SLFN5: variants seen among roughly 807,000 people sequenced by gnomAD.
SLFN5 encodes the protein schlafen family member 5.
A neutral mutation model predicts 48.5 loss-of-function variants in SLFN5; 34 were observed. That is an observed-to-expected ratio of 0.70 (90% CI 0.53 to 0.93). The LOEUF (loss-of-function observed/expected upper bound fraction) is 0.93, where lower values mean the gene tolerates loss of function less well. Among genes scored for constraint, SLFN5 ranks in the 40% least tolerant of loss-of-function variants. SLFN5 has a pLI of 0.00. For synonymous variants in SLFN5, 387 were observed against 396.2 expected, an observed-to-expected ratio of 0.98 and a Z score of 0.28; for missense variants, 1,006 against 1,071.3, an observed-to-expected ratio of 0.94 and a Z score of 0.85.
chr17:35,262,508 A>G (rs1416174566), intron 3 of SLFN5, among the ~76,000 whole-genome samples: 1 of 152,106 alleles, frequency 6.6e-6, no homozygotes, highest in Non-Finnish European at 1.5e-5. Context: ...ACCAACCAAC[A>G]TGGTATTATC....
At chr17:35,246,803 G>A (rs1048824808) in intron 1 of SLFN5, among the ~76,000 whole-genome samples, 1 of 150,182 alleles carries the variant, frequency 6.7e-6, no homozygotes, top group East Asian at 1.9e-4. Context: ...TCCAGTGACC[G>A]AAATAGCACC....
At position 35,246,564 on chromosome 17, in the gene SLFN5, G is replaced by T. The variant is rs564229908; in HGVS notation, c.-41+3421G>T. Among the ~76,000 whole-genome samples, 5 of 152,226 alleles carry T rather than the reference G, an allele frequency of 3.3e-5. No individual in the cohort carries two copies. In the East Asian group the frequency reaches 9.6e-4, roughly 29 times the overall value. Reference sequence around the variant, plus strand: ...AATATATCATTTAAAAAAATTTATTGTGCATCTAGGCCAGGTGCAGTGGCT... The same window carrying T: ...AATATATCATTTAAAAAAATTTATTTTGCATCTAGGCCAGGTGCAGTGGCT... On this transcript the variant is annotated intron_variant, in intron 1 of 4. Coordinates refer to ENST00000299977, the MANE Select transcript of SLFN5 (RefSeq NM_144975.4).
rs1030411424 is a variant in SLFN5 at position 35,266,026 on chromosome 17, C to G, written c.*138C>G. 1.1e-6 allele frequency: 1 copy of G among 883,702 alleles called. No homozygotes were observed. Among genetic ancestry groups the G allele is most frequent in the South Asian group, 1.9e-5 (1 of 52,846 alleles). The allele number at this position is 883,702 out of a possible 1,614,324, so 54.7% of individuals were successfully genotyped here. ...TAGGTGCTGGGGATTGAGAACGAAT[C>G]GATGTAAGATTCCTCCTTTAGGGCA... is the stretch of plus-strand genomic sequence containing the variant. On this transcript the variant is annotated 3_prime_UTR_variant, in exon 5 of 5. Coordinates refer to ENST00000299977, the MANE Select transcript of SLFN5 (RefSeq NM_144975.4).
At position 35,265,630 on chromosome 17, in the gene SLFN5, G is replaced by A. The variant is rs528962131; in HGVS notation, c.2418G>A (p.Arg806=). ...KASEVEKYKD[R]LLTAMRKRKL... ...GTGAAGTGGAAAAATATAAAGACAGGCTTCTAACAGCAATGAGGAAGAGAA... is the reference window on the plus strand; with the variant it reads ...GTGAAGTGGAAAAATATAAAGACAGACTTCTAACAGCAATGAGGAAGAGAA... The change falls in exon 5 of 5, where the codon AGG becomes AGA. Residue 806 remains arginine, a synonymous_variant. Transcript: ENST00000299977. 11 of 1,614,194 alleles carry A rather than the reference G, an allele frequency of 6.8e-6. No homozygotes were observed. The African/African-American group carries it at 1.5e-4, about 22-fold the overall frequency.
Position 35,264,895 on chromosome 17 carries a change from G to T in SLFN5, c.1851G>T (p.Lys617Asn), listed in dbSNP as rs766347220. ...TCTGTGAAAACCAGCCCCTGAAGAA[G>T]TTGGTGAGGTATGCTGCTTGTCTGT... ...LYICENQPLK[K>N]LVSFSKKNIC... is the part of the protein sequence containing the mutation. The change falls in exon 4 of 5, where the codon AAG becomes AAT. Residue 617 changes from lysine to asparagine, a missense_variant. Transcript: ENST00000299977. 1.9e-6 allele frequency: 3 copies of T among 1,557,940 alleles called. No homozygotes were observed. The highest frequency in any genetic ancestry group is 2.2e-5 in the East Asian group (1 of 44,786).
rs770064360 is a variant in SLFN5, at chr17:35,266,036, T to G, written c.*148T>G. 1.2e-6 allele frequency: 1 copy of G among 824,902 alleles called. No homozygotes were observed. The highest frequency in any genetic ancestry group is 1.8e-6 in the Non-Finnish European group (1 of 548,686). The allele number at this position is 824,902 out of a possible 1,614,324, so 51.1% of individuals were successfully genotyped here. A position where few individuals can be genotyped will look rare whatever the true frequency, so the allele number is the denominator to read the frequency against. On this transcript the variant is annotated 3_prime_UTR_variant, in exon 5 of 5. Coordinates refer to ENST00000299977, the MANE Select transcript of SLFN5 (RefSeq NM_144975.4). ...GGATTGAGAACGAATCGATGTAAGATTCCTCCTTTAGGGCAGAGACAGACC... is the reference window on the plus strand; with the variant it reads ...GGATTGAGAACGAATCGATGTAAGAGTCCTCCTTTAGGGCAGAGACAGACC...
intron 1 of SLFN5, among the ~76,000 whole-genome samples, chr17:35,250,543 C>G (rs1455078937): frequency 3.3e-5 from 5 of 151,968 alleles, no homozygotes; most frequent in African/African-American, 9.7e-5. Context: ...GCCTGTAGTC[C>G]CAGCTACTCG....
rs752936534 is a variant in SLFN5 at position 35,259,369 on chromosome 17, G to A, written c.679G>A (p.Val227Ile). The A allele has an allele frequency of 4.3e-6, 7 of 1,614,170 alleles. No homozygotes were observed. The South Asian group carries it at 7.7e-5, about 18-fold the overall frequency. Residue 227 changes from valine (V) to isoleucine (I), a missense_variant, in exon 2 of 5, where the codon GTA becomes ATA. Coordinates refer to ENST00000299977, the MANE Select transcript of SLFN5 (RefSeq NM_144975.4). Reference protein sequence around the residue: ...SAFANTEGGYVFFGVHDETCQ... With the variant: ...SAFANTEGGYIFFGVHDETCQ... ...ATTTGCAAATACTGAAGGAGGATAT[G>A]TATTTTTTGGTGTGCATGATGAGAC...
chr17:35,244,551 AT>A (rs2092426493), intron 1 of SLFN5, among the ~76,000 whole-genome samples: 1 of 152,184 alleles, frequency 6.6e-6, no homozygotes, highest in Admixed American at 6.5e-5. Context: ...TGTCTGTCTC[AT>A]GGGAGGTGAG....
intron 3 of SLFN5, among the ~76,000 whole-genome samples, chr17:35,263,219 C>T (rs1310588021): frequency 5.9e-5 from 9 of 152,102 alleles, no homozygotes; most frequent in Non-Finnish European, 2.9e-5. Flanking sequence ...CAACCTCCGC[C>T]TCCTGGGTTT....
rs12948137 is a variant in SLFN5, at chr17:35,267,872, G to T, written c.*1984G>T. On this transcript the variant is annotated 3_prime_UTR_variant, in exon 5 of 5. Coordinates refer to ENST00000299977, the MANE Select transcript of SLFN5 (RefSeq NM_144975.4). ...GTTAATATGGCCAGTTTGAAGGGTG[G>T]TGGCGGAGGTATTGAGCAGGCAGCT... The T allele has an allele frequency of 6.6e-6, 1 of 152,112 alleles. No individual in the cohort carries two copies. The highest frequency in any genetic ancestry group is 1.5e-5 in the Non-Finnish European group (1 of 68,054). The allele number at this position is 152,112 out of a possible 1,614,324, so 9.4% of individuals were successfully genotyped here.
intron 1 of SLFN5, among the ~76,000 whole-genome samples, chr17:35,257,087 C>T (rs1904366091): frequency 6.6e-6 from 1 of 152,166 alleles, no homozygotes; most frequent in East Asian, 1.9e-4. Context: ...CTGAAACCAT[C>T]TCCTCACCAA....
intron 1 of SLFN5, among the ~76,000 whole-genome samples, chr17:35,254,402 G>C (rs1054370909): frequency 1.3e-5 from 2 of 152,174 alleles, no homozygotes; most frequent in African/African-American, 4.8e-5. Flanking sequence ...ACATCCAGGG[G>C]ATTTTTAAAC....
Position 35,264,253 on chromosome 17 carries a change from C to G in SLFN5, c.1209C>G (p.Leu403=). The stretch of plus-strand genomic sequence containing the variant: ...AACTCTTCTCACAACATAAAGGACT[C>G]AGAGACTTAATAAATACAGAAATGC... ...YKELFSQHKG[L]RDLINTEMRP... is the part of the protein sequence containing the mutation. Residue 403 remains leucine (L), a synonymous_variant, in exon 4 of 5, where the codon CTC becomes CTG. Coordinates refer to ENST00000299977, the MANE Select transcript of SLFN5 (RefSeq NM_144975.4). 6.2e-7 allele frequency: 1 copy of G among 1,614,074 alleles called. No individual in the cohort carries two copies. The highest frequency in any genetic ancestry group is 8.5e-7 in the Non-Finnish European group (1 of 1,180,040).
At chr17:35,248,660 A>C (rs1187102741) in intron 1 of SLFN5, among the ~76,000 whole-genome samples, 2 of 151,928 alleles carry the variant, frequency 1.3e-5, no homozygotes, top group South Asian at 2.1e-4. Context: ...TTGCCTCTGA[A>C]TATCCATCCC....
At chr17:35,248,052 C>T (rs2092434667) in intron 1 of SLFN5, among the ~76,000 whole-genome samples, 1 of 152,188 alleles carries the variant, frequency 6.6e-6, no homozygotes, top group African/African-American at 2.4e-5. Context: ...AATTATACTC[C>T]TACTGATGGT....
chr17:35,261,161 C>G (rs1904510564), intron 3 of SLFN5, 65 bp downstream of exon 3: 1 of 1,569,694 alleles, frequency 6.4e-7, no homozygotes, highest in East Asian at 2.3e-5. Flanking sequence ...AAATTGACTC[C>G]TACTTTATAT....
intron 3 of SLFN5, among the ~76,000 whole-genome samples, chr17:35,262,009 C>T (rs1244951197): frequency 2.6e-5 from 4 of 151,460 alleles, no homozygotes; most frequent in Non-Finnish European, 4.4e-5. Context: ...TTTTATATGA[C>T]GTCTAATTTT....
Position 35,259,255 on chromosome 17 carries a change from C to T in SLFN5, c.565C>T (p.Leu189Phe). ...KRLQYLEKLN[L>F]PESTHVEFVM... ...GCTTCAGTATCTGGAAAAACTCAAC[C>T]TTCCTGAGTCCACACATGTTGAATT... The change falls in exon 2 of 5, where the codon CTT becomes TTT. Residue 189 changes from leucine to phenylalanine, a missense_variant. By Grantham distance (22) the Leu-to-Phe change is conservative. Coordinates refer to ENST00000299977, the MANE Select transcript of SLFN5 (RefSeq NM_144975.4). 1 of 1,614,148 alleles carries T rather than the reference C, an allele frequency of 6.2e-7. No homozygotes were observed. The highest frequency in any genetic ancestry group is 1.6e-4 in the Middle Eastern group (1 of 6,062).
Sources: gnomAD v4.1 joint callset for allele counts (sites outside exome capture counted in the v4.1 genomes callset) on GRCh38, gnomAD v4.1.1 for gene constraint, MANE v1.5 for transcripts, NCBI Gene and HGNC (gene_info 2026-07-23, HGNC 2026-07-21) for gene names.